GLG1: variants seen among roughly 807,000 people sequenced by gnomAD.
GLG1 encodes Golgi apparatus protein 1.
In GLG1, 38 loss-of-function variants were observed where a neutral mutation model predicts 160.5. The ratio of observed to expected loss-of-function variants is 0.24; its 90% CI spans 0.18 to 0.31. GLG1 has a LOEUF of 0.31. Among genes scored for constraint, GLG1 ranks in the 10% least tolerant of loss-of-function variants. The probability of loss-of-function intolerance (pLI) is 1.00; values close to 1 mark genes in which losing one functional copy is unlikely to be tolerated. For missense variants in GLG1, 1,373 were observed against 1,505.2 expected (o/e 0.91, Z 1.45); for synonymous variants, 644 against 543.4 (o/e 1.19, Z -2.57).
At chr16:74,454,885 A>G (rs1254955099) in intron 25 of GLG1, among the ~76,000 whole-genome samples, 3 of 151,280 alleles carry the variant, frequency 2.0e-5, no homozygotes, top group East Asian at 2.0e-4. Flanking sequence ...CCCACATCAA[A>G]AACAATGTGC....
At chr16:74,551,674 G>C (rs2549030) in intron 1 of GLG1, among the ~76,000 whole-genome samples, 145,957 of 150,414 alleles carry the variant, frequency 0.97, 70,997 homozygotes, top group East Asian at 1. Context: ...AATTTGGGAA[G>C]AGGTGTGGGT....
intron 1 of GLG1, among the ~76,000 whole-genome samples, chr16:74,549,798 C>T (rs9938859): frequency 0.7 from 101,221 of 144,964 alleles, 34,095 homozygotes; most frequent in East Asian, 0.83. Context: ...TAAATGACTG[C>T]TCTATAAAAT....
intron 1 of GLG1, among the ~76,000 whole-genome samples, chr16:74,540,027 ATATATATTT>A (rs1381593262): frequency 0.011 from 391 of 34,410 alleles, 149 homozygotes; most frequent in Non-Finnish European, 0.014. Context: ...TATATATATT[ATATATATTT>A]TATATATATA....
chr16:74,575,006 CGGGGGGGG>C lies in GLG1; in HGVS notation c.438+31643_438+31650del, dbSNP rs765772462. Among the ~76,000 whole-genome samples, 27 of 3,748 alleles carry C rather than the reference CGGGGGGGG, an allele frequency of 7.2e-3. 10 individuals carry two copies. Among genetic ancestry groups the C allele is most frequent in the East Asian group, 0.016 (2 of 122 alleles). 2.5% of individuals were successfully genotyped at this position (3,748 alleles called of 152,430 possible). On this transcript the variant is annotated intron_variant, in intron 1 of 25. Coordinates refer to ENST00000422840, the MANE Select transcript of GLG1 (RefSeq NM_001145667.2). ...CTGTAATCCTAGCACTTTGGGAGGCCGGGGGGGGGGGGGGGGCGGATCACGAGGTCAAG... is the reference window on the plus strand; with the variant it reads ...CTGTAATCCTAGCACTTTGGGAGGCCGGGGGGGGCGGATCACGAGGTCAAG...
Position 74,568,702 on chromosome 16 carries a change from G to T in GLG1, c.439-36549C>A, listed in dbSNP as rs2018731718. On this transcript the variant is annotated intron_variant, in intron 1 of 25. Coordinates refer to ENST00000422840, the MANE Select transcript of GLG1 (RefSeq NM_001145667.2). ...CAAAGTGCTGGGATTACAGGCATGAGCCACTGCGCCTGGCCTGTACGTATA... is the reference window on the plus strand; with the variant it reads ...CAAAGTGCTGGGATTACAGGCATGATCCACTGCGCCTGGCCTGTACGTATA... 2.0e-5 allele frequency among the ~76,000 whole-genome samples: 3 copies of T among 152,196 alleles called. No individual in the cohort carries two copies. In the South Asian group the frequency reaches 6.2e-4, roughly 32 times the overall value.
intron 7 of GLG1, among the ~76,000 whole-genome samples, chr16:74,492,010 C>T (rs2016012670): frequency 6.6e-6 from 1 of 151,926 alleles, no homozygotes; most frequent in African/African-American, 2.4e-5. Flanking sequence ...GTGATAAAGC[C>T]AAAATTTGAA....
intron 1 of GLG1, among the ~76,000 whole-genome samples, chr16:74,595,955 C>G (rs1367944741): frequency 6.6e-6 from 1 of 151,920 alleles, no homozygotes; most frequent in African/African-American, 2.4e-5. Context: ...GAAACCCCAT[C>G]TCTATTAAAA....
chr16:74,460,778 T>C (rs899296081), intron 22 of GLG1, among the ~76,000 whole-genome samples: 6 of 152,234 alleles, frequency 3.9e-5, no homozygotes, highest in African/African-American at 1.2e-4. Flanking sequence ...ACACTGAGAC[T>C]TGAGTCAGAT....
intron 1 of GLG1, among the ~76,000 whole-genome samples, chr16:74,587,813 A>C (rs538283590): frequency 6.6e-5 from 10 of 152,172 alleles, no homozygotes; most frequent in African/African-American, 2.2e-4. Context: ...CTGAGACTAC[A>C]CCACTGCACT....
chr16:74,597,044 G>C (rs776357421), intron 1 of GLG1, among the ~76,000 whole-genome samples: 6 of 151,996 alleles, frequency 3.9e-5, no homozygotes, highest in African/African-American at 1.2e-4. Context: ...ACTCGTGCTC[G>C]GGAGGCAGAG....
At chr16:74,498,856 C>A (rs1449736413) in intron 4 of GLG1, among the ~76,000 whole-genome samples, 2 of 131,032 alleles carry the variant, frequency 1.5e-5, no homozygotes. Flanking sequence ...CAAGAGTGAA[C>A]TCCGTCTCAG....
chr16:74,477,418 C>T lies in GLG1; in HGVS notation c.1943G>A (p.Ser648Asn). The change falls in exon 12 of 26, where the codon AGT becomes AAT. Residue 648 changes from serine to asparagine, a missense_variant. Physicochemically the swap from Ser to Asn is conservative, Grantham distance 46. Coordinates refer to ENST00000422840, the MANE Select transcript of GLG1 (RefSeq NM_001145667.2). The stretch of plus-strand genomic sequence containing the variant: ...TACCTGTCCAGTCTCTGTTTTCTCA[C>T]TGCACCATTTTCCCAGATCAATCAG... ...KCLIDLGKWC[S>N]EKTETGQELE... is the part of the protein sequence containing the mutation. The T allele has an allele frequency of 6.2e-7, 1 of 1,612,752 alleles. No homozygotes were observed. Among genetic ancestry groups the T allele is most frequent in the Non-Finnish European group, 8.5e-7 (1 of 1,178,704 alleles).
chr16:74,526,390 A>T (rs1273882580), intron 2 of GLG1, among the ~76,000 whole-genome samples: 1 of 146,016 alleles, frequency 6.8e-6, no homozygotes, highest in Non-Finnish European at 1.5e-5. Context: ...ATGTGGAAAG[A>T]TTCATGACAT....
intron 1 of GLG1, among the ~76,000 whole-genome samples, chr16:74,567,549 A>G (rs1050545321): frequency 7.3e-6 from 1 of 136,494 alleles, no homozygotes; most frequent in African/African-American, 2.7e-5. Flanking sequence ...TATATGGTGC[A>G]CTTTCTTTTT....
At chr16:74,463,237 A>T in intron 20 of GLG1, 119 bp downstream of exon 20, 1 of 945,766 alleles carries the variant, frequency 1.1e-6, no homozygotes, top group Non-Finnish European at 1.6e-6. Flanking sequence ...TTACACTCAG[A>T]CTCCTCCCTT....
intron 10 of GLG1, among the ~76,000 whole-genome samples, chr16:74,481,369 T>G (rs953815541): frequency 6.6e-6 from 1 of 152,222 alleles, no homozygotes; most frequent in African/African-American, 2.4e-5. Context: ...CATATTATAT[T>G]GTCAACTTTG....
intron 25 of GLG1, among the ~76,000 whole-genome samples, chr16:74,453,974 C>T (rs1291787949): frequency 1.3e-5 from 2 of 150,938 alleles, no homozygotes; most frequent in East Asian, 2.0e-4. Flanking sequence ...CAGGTTTAAG[C>T]GATTCTCCTC....
rs2018584183 is a variant in GLG1 at position 74,564,105 on chromosome 16, G to C, written c.439-31952C>G. Among the ~76,000 whole-genome samples, 5 of 152,294 alleles carry C rather than the reference G, an allele frequency of 3.3e-5. No homozygotes were observed. The South Asian group carries it at 1.0e-3, about 32-fold the overall frequency. On this transcript the variant is annotated intron_variant, in intron 1 of 25. Transcript: ENST00000422840. ...CCGGCTAATTTTTGTATTTTCTGTAGAGACAGGGTCTTGCTATGTTGCCTA... is the reference window on the plus strand; with the variant it reads ...CCGGCTAATTTTTGTATTTTCTGTACAGACAGGGTCTTGCTATGTTGCCTA...
rs775192909 is a variant in GLG1, at chr16:74,491,093, A to G, written c.1357T>C (p.Ser453Pro). Residue 453 changes from serine (S) to proline (P), a missense_variant, in exon 8 of 26, where the codon TCC becomes CCC. Ser to Pro is a moderately conservative substitution (Grantham distance 74). This residue lies in a region of GLG1 where 386 missense variants were observed against 388.5 expected (regional missense o/e 0.99). Coordinates refer to ENST00000422840, the MANE Select transcript of GLG1 (RefSeq NM_001145667.2). ...SCRGEIEHHC[S>P]GLHRKGRTLH... ...GTCCGCCCTTTTCGATGTAATCCGG[A>G]ACAATGGTGTTCAATCTCCCCCCGA... is the stretch of plus-strand genomic sequence containing the variant. 1.2e-6 allele frequency: 2 copies of G among 1,614,102 alleles called. No individual in the cohort carries two copies. Among genetic ancestry groups the G allele is most frequent in the Non-Finnish European group, 1.7e-6 (2 of 1,179,976 alleles).
Sources: allele counts gnomAD v4.1 joint callset (sites outside exome capture counted in the v4.1 genomes callset), GRCh38; gene constraint gnomAD v4.1.1; regional missense constraint gnomAD v4.1.1; transcripts MANE v1.5; gene names NCBI Gene and HGNC (gene_info 2026-07-23, HGNC 2026-07-21).